The following CSMD2 variants were observed in gnomAD, a reference collection of about 807,000 sequenced individuals.
CSMD2 encodes CUB and sushi domain-containing protein 2.
Under a neutral mutation model 398.5 loss-of-function variants are expected in CSMD2, and 130 were observed. The ratio of observed to expected loss-of-function variants is 0.33; its 90% CI spans 0.28 to 0.38. The LOEUF (loss-of-function observed/expected upper bound fraction) is 0.38, where lower values mean the gene tolerates loss of function less well. Among genes scored for constraint, CSMD2 ranks in the 10% least tolerant of loss-of-function variants. The probability of loss-of-function intolerance (pLI) is 1.00; values close to 1 mark genes in which losing one functional copy is unlikely to be tolerated. For synonymous variants in CSMD2, 1,828 were observed against 1,908.5 expected (o/e 0.96, Z 1.10); for missense variants, 3,829 against 4,764.9 (o/e 0.80, Z 5.78).
chr1:33,837,062 G>A (rs183533986), intron 6 of CSMD2, among the ~76,000 whole-genome samples: 2 of 152,278 alleles, frequency 1.3e-5, no homozygotes, highest in East Asian at 3.9e-4. Context: ...CTCAGTTTTT[G>A]AGCAATCCCA....
chr1:34,105,921 G>A (rs1207779167), intron 1 of CSMD2, among the ~76,000 whole-genome samples: 3 of 152,192 alleles, frequency 2.0e-5, no homozygotes, highest in African/African-American at 7.2e-5. Context: ...TGGTAGAAAT[G>A]CTGTTTCAGT....
chr1:34,160,971 T>A (rs1328776925), intron 1 of CSMD2, among the ~76,000 whole-genome samples: 1 of 151,950 alleles, frequency 6.6e-6, no homozygotes, highest in African/African-American at 2.4e-5. Flanking sequence ...TATTGCTTTT[T>A]AAAAATTAGT....
Position 34,164,623 on chromosome 1 carries a change from C to T in CSMD2, c.187+288G>A, listed in dbSNP as rs1285953887. 2.6e-5 allele frequency among the ~76,000 whole-genome samples: 4 copies of T among 152,100 alleles called. No homozygotes were observed. On this transcript the variant is annotated intron_variant, in intron 1 of 70. Transcript: ENST00000373381. This position sits in a 1 kb window ranked among gnomAD's most constrained non-coding sequence, Gnocchi z 6.2. The stretch of plus-strand genomic sequence containing the variant: ...AAGCCACAGACCAGGTGCCCCGCAA[C>T]CCCGGGCGGGGATGTCTGTCTCCCA...
intron 1 of CSMD2, among the ~76,000 whole-genome samples, chr1:34,142,673 A>G (rs1410655833): frequency 1.3e-5 from 2 of 152,226 alleles, no homozygotes; most frequent in Non-Finnish European, 2.9e-5. Context: ...GCAGCCCTGG[A>G]TGTAACTCCA....
chr1:34,110,017 G>A (rs1347606560), intron 1 of CSMD2, among the ~76,000 whole-genome samples: 2 of 134,822 alleles, frequency 1.5e-5, no homozygotes, highest in African/African-American at 5.4e-5. Flanking sequence ...CTCCAGCCTG[G>A]GTGACAGAAC....
At chr1:33,647,430 A>G (rs943031845) in intron 28 of CSMD2, among the ~76,000 whole-genome samples, 8 of 152,216 alleles carry the variant, frequency 5.3e-5, no homozygotes, top group Non-Finnish European at 1.2e-4. Context: ...AATCCATTTT[A>G]AAAACTTAGT....
At chr1:34,040,840 T>C (rs1260692260) in intron 2 of CSMD2, among the ~76,000 whole-genome samples, 2 of 152,198 alleles carry the variant, frequency 1.3e-5, no homozygotes, top group Non-Finnish European at 2.9e-5. Flanking sequence ...GAGGGTATTA[T>C]TAGGCTGTGT....
At chr1:33,923,238 G>A (rs1275461331) in intron 4 of CSMD2, among the ~76,000 whole-genome samples, 5 of 152,162 alleles carry the variant, frequency 3.3e-5, no homozygotes, top group Non-Finnish European at 7.3e-5. Context: ...GGTGGGAGGT[G>A]TGTGGGTCAT....
chr1:33,700,893 T>C (rs1178918930), intron 22 of CSMD2, among the ~76,000 whole-genome samples: 3 of 152,246 alleles, frequency 2.0e-5, no homozygotes, highest in African/African-American at 7.2e-5. Flanking sequence ...AGCCCATCTT[T>C]AGTGTGAATC....
intron 2 of CSMD2, among the ~76,000 whole-genome samples, chr1:34,033,813 C>T (rs1438743653): frequency 2.6e-5 from 4 of 152,174 alleles, no homozygotes; most frequent in Admixed American, 6.5e-5. Context: ...GCATGAGTAT[C>T]GGGCTCAGAT....
chr1:33,895,671 G>C (rs1642336719), intron 5 of CSMD2, among the ~76,000 whole-genome samples: 1 of 152,154 alleles, frequency 6.6e-6, no homozygotes, highest in Non-Finnish European at 1.5e-5. Context: ...AAGTGGCCTT[G>C]GCAGAAAGGT....
At chr1:33,650,724 C>G (rs964690172) in intron 28 of CSMD2, among the ~76,000 whole-genome samples, 18 of 152,082 alleles carry the variant, frequency 1.2e-4, no homozygotes, top group African/African-American at 4.3e-4. Flanking sequence ...ATGATTTACA[C>G]CGTGTGAAAT....
intron 9 of CSMD2, 38 bp downstream of exon 9, chr1:33,819,675 A>G (rs1452271859): frequency 1.9e-6 from 3 of 1,602,702 alleles, no homozygotes; most frequent in Admixed American, 1.7e-5. Context: ...GCTCAGCCCA[A>G]CTCTCTGGCC....
intron 27 of CSMD2, among the ~76,000 whole-genome samples, chr1:33,652,806 T>A (rs986573537): frequency 2.6e-5 from 4 of 152,228 alleles, no homozygotes; most frequent in African/African-American, 7.2e-5. Context: ...CCAGGCTGGA[T>A]TGCAGTAGCG....
At chr1:33,803,118 C>A (rs1212436898) in intron 10 of CSMD2, among the ~76,000 whole-genome samples, 2 of 152,182 alleles carry the variant, frequency 1.3e-5, no homozygotes, top group African/African-American at 2.4e-5. Context: ...ATCAGACATG[C>A]CCTAGTTGGA....
upstream of CSMD2, among the ~76,000 whole-genome samples, chr1:34,165,471 A>G (rs1209809812): frequency 2.0e-5 from 3 of 152,104 alleles, no homozygotes; most frequent in Non-Finnish European, 4.4e-5. Flanking sequence ...TAAACCACAA[A>G]TTACATCTAA....
intron 2 of CSMD2, among the ~76,000 whole-genome samples, chr1:34,043,008 C>T (rs1182930749): frequency 6.6e-6 from 1 of 152,042 alleles, no homozygotes; most frequent in Non-Finnish European, 1.5e-5. Flanking sequence ...TCAGGATGGT[C>T]TCGATCTTCT....
rs998763128 is a variant in CSMD2 at position 33,533,769 on chromosome 1, T to A, written c.9991+27A>T. On this transcript the variant is annotated intron_variant, in intron 63 of 70. Coordinates refer to ENST00000373381, the MANE Select transcript of CSMD2 (RefSeq NM_001281956.2). This position sits in a 1 kb window ranked among gnomAD's most constrained non-coding sequence, Gnocchi z 4.2. ...CCAGCTGGGGCAAGAGGAATTTTCTTGGGATGTGGGTGAAGTCTGCACTCA... is the reference window on the plus strand; with the variant it reads ...CCAGCTGGGGCAAGAGGAATTTTCTAGGGATGTGGGTGAAGTCTGCACTCA... The A allele has an allele frequency of 3.4e-6, 5 of 1,473,472 alleles. 1 individual carries two copies. In the Admixed American group the frequency reaches 6.7e-5, roughly 20 times the overall value. The allele number at this position is 1,473,472 out of a possible 1,614,324, so 91.3% of individuals were successfully genotyped here.
At chr1:33,884,456 C>T (rs1641450325) in intron 5 of CSMD2, 1 of 152,404 alleles carries the variant, frequency 6.6e-6, no homozygotes, top group Admixed American at 6.5e-5. Context: ...TCTTATTCCT[C>T]CTCCCGCTTT....
Sources: allele counts gnomAD v4.1 joint callset (sites outside exome capture counted in the v4.1 genomes callset), GRCh38; gene constraint gnomAD v4.1.1; non-coding constraint Gnocchi (gnomAD v3.1); transcripts MANE v1.5; gene names NCBI Gene and HGNC (gene_info 2026-07-23, HGNC 2026-07-21).